AFF1: variants seen among roughly 807,000 people sequenced by gnomAD.
AFF1 encodes ALF transcription elongation factor 1, also known as AF4/FMR2 family member 1.
A neutral mutation model predicts 121.7 loss-of-function variants in AFF1; 48 were observed. The ratio of observed to expected loss-of-function variants is 0.39; its 90% confidence interval spans 0.31 to 0.50. The LOEUF (loss-of-function observed/expected upper bound fraction) is 0.50. AFF1 is among the 20% of genes least tolerant of loss of function. AFF1 has a pLI of 0.76. For missense variants in AFF1, 1,523 were observed against 1,511.7 expected (o/e 1.01, Z -0.12); for synonymous variants, 613 against 563.0 (o/e 1.09, Z -1.26).
rs1385296425 is a variant in AFF1 at position 87,005,594 on chromosome 4, A to C, written c.39-40572A>C. Among the ~76,000 whole-genome samples, 3 of 152,202 alleles carry C rather than the reference A, an allele frequency of 2.0e-5. No individual in the cohort carries two copies. The East Asian group carries it at 5.8e-4, about 29-fold the overall frequency. On this transcript the variant is annotated intron_variant, in intron 2 of 20. Transcript: ENST00000395146. ...TTCTTTCAAGTAAAAATGGTAGTCC[A>C]TGAAAAAAAAGCTAGCTCAGCTTGC...
chr4:87,006,665 G>A (rs1360326137), intron 2 of AFF1, among the ~76,000 whole-genome samples: 1 of 152,214 alleles, frequency 6.6e-6, no homozygotes, highest in Admixed American at 6.5e-5. Context: ...GCCTCTGGGG[G>A]CCCCATATTC....
At chr4:87,127,208 T>G in intron 15 of AFF1, 91 bp downstream of exon 15, 1 of 1,069,058 alleles carries the variant, frequency 9.4e-7, no homozygotes, top group Non-Finnish European at 1.4e-6. Flanking sequence ...TCACCCAGGC[T>G]GGAGTGTAGT....
rs773541519 is a variant in AFF1, at chr4:87,105,850, C to T, written c.1376+5C>T. 18 of 1,614,014 alleles carry T rather than the reference C, an allele frequency of 1.1e-5. No individual in the cohort carries two copies. Among genetic ancestry groups the T allele is most frequent in the Middle Eastern group, 1.6e-4 (1 of 6,062 alleles). ...CTCCTCATCTGCACCTCCAAGGTAC[C>T]GTGTGGGTTTCTCCCCATCTGTACA... is the stretch of plus-strand genomic sequence containing the variant. On this transcript the variant is annotated splice_donor_5th_base_variant and intron_variant, in intron 10 of 20. Transcript: ENST00000395146.
At chr4:87,057,584 T>TGG (rs1199031732) in intron 4 of AFF1, among the ~76,000 whole-genome samples, 1 of 148,868 alleles carries the variant, frequency 6.7e-6, no homozygotes, top group Non-Finnish European at 1.5e-5. Context: ...AAATTTGAAC[T>TGG]GGGCCTTAAG....
At chr4:87,082,847 C>T (rs1723308152) in intron 4 of AFF1, among the ~76,000 whole-genome samples, 1 of 152,146 alleles carries the variant, frequency 6.6e-6, no homozygotes, top group African/African-American at 2.4e-5. Context: ...GATTAATAAA[C>T]CCTAGATTGC....
In AFF1 at chr4:87,140,201, A is replaced by G. The variant is rs17030453; in HGVS notation, c.*4500A>G. The G allele has an allele frequency of 0.14, 27,307 of 198,682 alleles. 2,485 individuals are homozygous for G. The highest frequency in any genetic ancestry group is 0.19 in the Non-Finnish European group (17,996 of 96,040). The allele number at this position is 198,682 out of a possible 1,614,324, so 12.3% of individuals were successfully genotyped here. A position where few individuals can be genotyped will look rare whatever the true frequency, so the allele number is the denominator to read the frequency against. ...CCAGGCAGTGGCTGACCTAAGGAAG[A>G]CAACTTGCTTTGCTTAAAAGTAGAT... On this transcript the variant is annotated 3_prime_UTR_variant, in exon 21 of 21. Transcript: ENST00000395146.
intron 2 of AFF1, among the ~76,000 whole-genome samples, chr4:86,999,664 GAA>G (rs1725529529): frequency 6.6e-6 from 1 of 152,208 alleles, no homozygotes; most frequent in African/African-American, 2.4e-5. Context: ...TTTAGATTGA[GAA>G]GAGACAAGTA....
At chr4:86,982,105 A>C (rs1723797320) in intron 2 of AFF1, among the ~76,000 whole-genome samples, 1 of 152,248 alleles carries the variant, frequency 6.6e-6, no homozygotes, top group Admixed American at 6.5e-5. Context: ...TGTGCAGTGA[A>C]GAAATTTACT....
rs376777716 is a variant in AFF1, at chr4:87,124,961, T to G, written c.2467-76T>G. The G allele has an allele frequency of 2.5e-5, 33 of 1,301,844 alleles. No individual in the cohort carries two copies. In the Middle Eastern group the frequency reaches 8.2e-4, roughly 32 times the overall value. The allele number at this position is 1,301,844 out of a possible 1,614,324, so 80.6% of individuals were successfully genotyped here. The stretch of plus-strand genomic sequence containing the variant: ...AAAGGTTCCTTTACCCTCTTTGCCT[T>G]TTCTATATTTTCTTTTCTGTTTTGT... On this transcript the variant is annotated intron_variant, in intron 12 of 20. Transcript: ENST00000395146.
At chr4:86,980,804 C>T (rs1367067697) in intron 2 of AFF1, among the ~76,000 whole-genome samples, 1 of 152,136 alleles carries the variant, frequency 6.6e-6, no homozygotes, top group Non-Finnish European at 1.5e-5. Flanking sequence ...TTGTGGCTTA[C>T]TTTGGAACTA....
intron 2 of AFF1, among the ~76,000 whole-genome samples, chr4:86,962,292 A>G (rs1429057347): frequency 6.6e-6 from 1 of 151,946 alleles, no homozygotes; most frequent in African/African-American, 2.4e-5. Flanking sequence ...GTTTGCTTTG[A>G]AATCAGTTAG....
At chr4:86,950,324 G>A (rs969935081) in intron 2 of AFF1, among the ~76,000 whole-genome samples, 1 of 152,162 alleles carries the variant, frequency 6.6e-6, no homozygotes, top group African/African-American at 2.4e-5. Context: ...GACTACAGGC[G>A]CATGCCCCGA....
Position 87,016,835 on chromosome 4 carries a change from T to A in AFF1, c.39-29331T>A, listed in dbSNP as rs1727348763. Among the ~76,000 whole-genome samples, 3 of 152,156 alleles carry A rather than the reference T, an allele frequency of 2.0e-5. No homozygotes were observed. In the South Asian group the frequency reaches 6.2e-4, roughly 31 times the overall value. On this transcript the variant is annotated intron_variant, in intron 2 of 20. Coordinates refer to ENST00000395146, the MANE Select transcript of AFF1 (RefSeq NM_001166693.3). ...AGTATGATGGTTTCTTGCATCTGAC[T>A]CTCTTTACTTGCATATGTATATATA...
intron 11 of AFF1, among the ~76,000 whole-genome samples, chr4:87,110,340 C>T (rs955328662): frequency 6.6e-6 from 1 of 152,112 alleles, no homozygotes; most frequent in Non-Finnish European, 1.5e-5. Flanking sequence ...GTATTACAAA[C>T]AATTCAGTTA....
intron 1 of AFF1, among the ~76,000 whole-genome samples, chr4:86,944,406 G>A (rs986532936): frequency 3.3e-5 from 5 of 149,758 alleles, no homozygotes; most frequent in African/African-American, 7.4e-5. Context: ...TTGTTCTGTC[G>A]CCCATGCTGG....
chr4:87,026,638 G>A (rs577291679), intron 2 of AFF1, among the ~76,000 whole-genome samples: 1 of 152,284 alleles, frequency 6.6e-6, no homozygotes, highest in East Asian at 1.9e-4. Flanking sequence ...ACTTCTAAAA[G>A]AGCAAGGAAA....
chr4:87,101,010 T>C (rs1439335560), intron 8 of AFF1, among the ~76,000 whole-genome samples: 1 of 152,250 alleles, frequency 6.6e-6, no homozygotes, highest in African/African-American at 2.4e-5. Flanking sequence ...GAGTTAATCA[T>C]GTAGAGTCAG....
chr4:87,023,767 A>T (rs79194285), intron 2 of AFF1, among the ~76,000 whole-genome samples: 1 of 152,232 alleles, frequency 6.6e-6, no homozygotes, highest in Admixed American at 6.5e-5. Flanking sequence ...AAACGGTGCA[A>T]TCACTGAAAT....
At chr4:87,022,748 A>G (rs530285722) in intron 2 of AFF1, among the ~76,000 whole-genome samples, 8 of 148,684 alleles carry the variant, frequency 5.4e-5, no homozygotes, top group African/African-American at 7.5e-5. Flanking sequence ...GTGTGTGTGT[A>G]TATATATATA....
Sources: allele counts gnomAD v4.1 joint callset (sites outside exome capture counted in the v4.1 genomes callset), GRCh38; gene constraint gnomAD v4.1.1; transcripts MANE v1.5; gene names NCBI Gene and HGNC (gene_info 2026-07-23, HGNC 2026-07-21).